The following PI4KA variants were observed in gnomAD, a reference collection of about 807,000 sequenced individuals.
PI4KA encodes the protein PI4-kinase alpha.
PI4KA carries 122 observed loss-of-function variants against 271.4 expected under a neutral mutation model. The ratio of observed to expected loss-of-function variants is 0.45; its 90% CI spans 0.39 to 0.52. The LOEUF (loss-of-function observed/expected upper bound fraction) is 0.52, where lower values mean the gene tolerates loss of function less well. PI4KA is among the 20% of genes least tolerant of loss of function. The pLI is 0.00. For synonymous variants in PI4KA, 1,041 were observed against 1,078.8 expected (o/e 0.96, Z 0.69); for missense variants, 1,969 against 2,769.1 (o/e 0.71, Z 6.48).
intron 43 of PI4KA, among the ~76,000 whole-genome samples, chr22:20,719,975 G>A (rs1384929916): frequency 1.4e-5 from 2 of 141,246 alleles, no homozygotes; most frequent in Non-Finnish European, 3.0e-5. Flanking sequence ...GCAGTGAGCC[G>A]AGATCGTGCC....
chr22:20,765,624 G>A lies in PI4KA; in HGVS notation c.2398C>T (p.Leu800=). Residue 800 remains leucine (L), a synonymous_variant, in exon 20 of 55, where the codon CTG becomes TTG. Transcript: ENST00000255882. The part of the protein sequence containing the change: ...RLQKLFRDFW[L]YSVLMGFAVE... Reference sequence around the variant, plus strand: ...GCGAATCCCATCAGAACGGAATACAGCCAGAAGTCTCGGAAGAGCTTCTGT... The same window carrying A: ...GCGAATCCCATCAGAACGGAATACAACCAGAAGTCTCGGAAGAGCTTCTGT... 6.2e-7 allele frequency: 1 copy of A among 1,611,322 alleles called. No homozygotes were observed. Among genetic ancestry groups the A allele is most frequent in the Middle Eastern group, 1.7e-4 (1 of 6,048 alleles).
At chr22:20,856,185 G>A (rs1433864525) in intron 1 of PI4KA, among the ~76,000 whole-genome samples, 3 of 152,132 alleles carry the variant, frequency 2.0e-5, no homozygotes, top group East Asian at 3.9e-4. Context: ...GGTGGCACAC[G>A]CCTGTAGTCC....
chr22:20,739,162 A>T (rs1364056959), intron 32 of PI4KA, among the ~76,000 whole-genome samples: 1 of 151,656 alleles, frequency 6.6e-6, no homozygotes, highest in African/African-American at 2.4e-5. Context: ...TGGCTAACAC[A>T]GTGAAACCCC....
At position 20,796,273 on chromosome 22, in the gene PI4KA, G is replaced by A. The variant is rs766832623; in HGVS notation, c.2150C>T (p.Ala717Val). 7 of 1,613,994 alleles carry A rather than the reference G, an allele frequency of 4.3e-6. No homozygotes were observed. The highest frequency in any genetic ancestry group is 3.3e-5 in the Admixed American group (2 of 60,008). The change falls in exon 18 of 55, where the codon GCG becomes GTG. Residue 717 changes from alanine to valine, a missense_variant. Ala to Val is a moderately conservative substitution (Grantham distance 64). Around this residue, in one of 13 missense-constraint regions of PI4KA, gnomAD observed 368 missense variants for 544.3 expected, o/e 0.68. Coordinates refer to ENST00000255882, the MANE Select transcript of PI4KA (RefSeq NM_058004.4). ...CAGGTGCTCGTCTTGGATGTTGGCCGCGATGTTGGCCAGGGCATTAATCAC... is the reference window on the plus strand; with the variant it reads ...CAGGTGCTCGTCTTGGATGTTGGCCACGATGTTGGCCAGGGCATTAATCAC... ...LAVINALANI[A>V]ANIQDEHLVD...
chr22:20,846,391 T>TAA (rs112454433), intron 1 of PI4KA, among the ~76,000 whole-genome samples: 5 of 150,654 alleles, frequency 3.3e-5, no homozygotes, highest in African/African-American at 9.8e-5. Flanking sequence ...TCTCAATTAT[T>TAA]AAAAAAAAAT....
intron 7 of PI4KA, among the ~76,000 whole-genome samples, chr22:20,814,683 G>C (rs1921531931): frequency 6.6e-6 from 1 of 151,756 alleles, no homozygotes; most frequent in African/African-American, 2.4e-5. Flanking sequence ...GGGAGGTCGA[G>C]GCTACAGTGG....
Position 20,751,887 on chromosome 22 carries a change from T to C in PI4KA, c.2988-132A>G, listed in dbSNP as rs1021009038. ...GCTGAAGGAGGAGGTCGGGAGGCCCTTGCAGCAGGATGCCTGGCCTCCTCA... is the reference window on the plus strand; with the variant it reads ...GCTGAAGGAGGAGGTCGGGAGGCCCCTGCAGCAGGATGCCTGGCCTCCTCA... On this transcript the variant is annotated intron_variant, in intron 25 of 54. Transcript: ENST00000255882. 17 of 733,590 alleles carry C rather than the reference T, an allele frequency of 2.3e-5. No individual in the cohort carries two copies. In the South Asian group the frequency reaches 2.7e-4, roughly 12 times the overall value. The allele number at this position is 733,590 out of a possible 1,614,324, so 45.4% of individuals were successfully genotyped here.
At chr22:20,730,053 A>C (rs200818581) in intron 36 of PI4KA, 42 bp from the exon 37 acceptor site, 1 of 1,604,224 alleles carries the variant, frequency 6.2e-7, no homozygotes, top group Non-Finnish European at 8.5e-7. Flanking sequence ...GAGGTGGCTC[A>C]AGAAAAGGTA....
Position 20,710,457 on chromosome 22 carries a change from G to A in PI4KA, c.6083+242C>T, listed in dbSNP as rs970347776. ...AGGGTGGATGGGATGCCCAGAAAGGGAGAGCCCATGGCTGAAGGCGTGGGC... is the reference window on the plus strand; with the variant it reads ...AGGGTGGATGGGATGCCCAGAAAGGAAGAGCCCATGGCTGAAGGCGTGGGC... On this transcript the variant is annotated intron_variant, in intron 52 of 54. Coordinates refer to ENST00000255882, the MANE Select transcript of PI4KA (RefSeq NM_058004.4). 1.0e-5 allele frequency: 6 copies of A among 575,776 alleles called. No individual in the cohort carries two copies. In the Admixed American group the frequency reaches 1.8e-4, roughly 17 times the overall value. The allele number at this position is 575,776 out of a possible 1,614,324, so 35.7% of individuals were successfully genotyped here. A position where few individuals can be genotyped will look rare whatever the true frequency, so the allele number is the denominator to read the frequency against.
chr22:20,823,932 T>C (rs1284106098), intron 4 of PI4KA, among the ~76,000 whole-genome samples: 2 of 151,884 alleles, frequency 1.3e-5, no homozygotes, highest in East Asian at 3.9e-4. Context: ...AGAGCAAGAC[T>C]GCCTCAAAAA....
chr22:20,810,943 G>A (rs1428397689), intron 9 of PI4KA, 24 bp downstream of exon 9: 1 of 1,572,542 alleles, frequency 6.4e-7, no homozygotes, highest in Non-Finnish European at 8.8e-7. Flanking sequence ...TGATCTCATG[G>A]TAATGCCCTC....
chr22:20,785,368 G>C (rs922901490), intron 19 of PI4KA, among the ~76,000 whole-genome samples: 1 of 152,164 alleles, frequency 6.6e-6, no homozygotes, highest in South Asian at 2.1e-4. Context: ...GCTGTGCCTG[G>C]CCCATTTGAC....
At chr22:20,798,448 C>G (rs1035197305) in intron 17 of PI4KA, 136 bp downstream of exon 17, 13 of 683,288 alleles carry the variant, frequency 1.9e-5, no homozygotes, top group Non-Finnish European at 3.2e-5. Context: ...CACTTCCCCC[C>G]TTATGTGTGC....
intron 4 of PI4KA, among the ~76,000 whole-genome samples, chr22:20,823,965 T>C (rs962061868): frequency 2.0e-5 from 3 of 151,998 alleles, no homozygotes; most frequent in African/African-American, 4.8e-5. Context: ...TGATCTTCTA[T>C]GAATGACTTC....
Position 20,824,356 on chromosome 22 carries a change from C to T in PI4KA, c.426G>A (p.Val142=). The T allele has an allele frequency of 6.2e-7, 1 of 1,613,462 alleles. No individual in the cohort carries two copies. Among genetic ancestry groups the T allele is most frequent in the Non-Finnish European group, 8.5e-7 (1 of 1,179,586 alleles). The part of the protein sequence containing the change: ...SFCLVTLLSD[V]AYRDPSLRDE... The stretch of plus-strand genomic sequence containing the variant: ...CCCTAAGTGAAGGATCCCTATAGGC[C>T]ACATCAGACAGCAGAGTTACCAAGC... The change falls in exon 4 of 55, where the codon GTG becomes GTA. Residue 142 remains valine (V), a synonymous_variant. Coordinates refer to ENST00000255882, the MANE Select transcript of PI4KA (RefSeq NM_058004.4).
intron 19 of PI4KA, chr22:20,787,031 T>C: frequency 6.2e-7 from 1 of 1,614,096 alleles, no homozygotes; most frequent in Non-Finnish European, 8.5e-7. Context: ...CTGCCTGCTC[T>C]TCATGGGAAG....
At chr22:20,755,823 GAA>G (rs1484412499) in intron 23 of PI4KA, among the ~76,000 whole-genome samples, 1 of 150,510 alleles carries the variant, frequency 6.6e-6, no homozygotes, top group African/African-American at 2.4e-5. Context: ...AAAAAGAAAA[GAA>G]AAAGAAAAAA....
chr22:20,716,246 T>A (rs1346516672), intron 45 of PI4KA, among the ~76,000 whole-genome samples: 2 of 152,176 alleles, frequency 1.3e-5, no homozygotes, highest in Admixed American at 1.3e-4. Context: ...GAGACGGGGT[T>A]TCACCGTGTT....
chr22:20,783,858 G>A lies in PI4KA; in HGVS notation c.2328+9335C>T, dbSNP rs572095554. On this transcript the variant is annotated intron_variant, in intron 19 of 54. Coordinates refer to ENST00000255882, the MANE Select transcript of PI4KA (RefSeq NM_058004.4). Reference sequence around the variant, plus strand: ...TCAGGAATCAAGAGACTGTGGGGTCGGCTCTGCAGGCTATCTGAATGAGGC... The same window carrying A: ...TCAGGAATCAAGAGACTGTGGGGTCAGCTCTGCAGGCTATCTGAATGAGGC... The A allele has an allele frequency of 5.5e-5, 76 of 1,384,678 alleles. No individual in the cohort carries two copies. The East Asian group carries it at 1.4e-3, about 25-fold the overall frequency. The allele number at this position is 1,384,678 out of a possible 1,614,324, so 85.8% of individuals were successfully genotyped here.
Sources: gnomAD v4.1 joint callset for allele counts (sites outside exome capture counted in the v4.1 genomes callset) on GRCh38, gnomAD v4.1.1 for gene constraint, gnomAD v4.1.1 regional missense constraint, MANE v1.5 for transcripts, NCBI Gene and HGNC (gene_info 2026-07-23, HGNC 2026-07-21) for gene names.